MDM2: variants seen among roughly 807,000 people sequenced by gnomAD.
MDM2 encodes E3 ubiquitin-protein ligase Mdm2.
A neutral mutation model predicts 64.3 loss-of-function variants in MDM2; 11 were observed. The observed-to-expected ratio is 0.17, with a 90% CI of 0.11 to 0.28. The LOEUF is 0.28. MDM2 is among the 10% of genes least tolerant of loss of function. The pLI is 1.00. For missense variants in MDM2, 388 were observed against 577.1 expected, an observed-to-expected ratio of 0.67 and a Z score of 3.36; for synonymous variants, 194 against 192.9, an observed-to-expected ratio of 1.01 and a Z score of -0.05.
At chr12:68,829,048 A>G (rs1418281428) in intron 8 of MDM2, 117 bp downstream of exon 8, 11 of 1,040,032 alleles carry the variant, frequency 1.1e-5, no homozygotes, top group Non-Finnish European at 1.4e-6. Flanking sequence ...TAGAAAACAC[A>G]GTGCTAAATT....
chr12:68,839,157 A>C lies in MDM2; in HGVS notation c.919-117A>C, dbSNP rs966871631. 3.7e-5 allele frequency: 32 copies of C among 856,642 alleles called. No homozygotes were observed. In the Admixed American group the frequency reaches 8.0e-4, roughly 22 times the overall value. The allele number at this position is 856,642 out of a possible 1,614,324, so 53.1% of individuals were successfully genotyped here. ...GACTATTTTATATAAAACATGAAAC[A>C]CTGAATATTGAGCCCTATGATATAC... On this transcript the variant is annotated intron_variant, in intron 10 of 10. Transcript: ENST00000258149.
chr12:68,829,361 A>G (rs182722159), intron 8 of MDM2, among the ~76,000 whole-genome samples: 2 of 152,334 alleles, frequency 1.3e-5, no homozygotes, highest in East Asian at 1.9e-4. Context: ...TATTTAGAGT[A>G]AAAATATATT....
At chr12:68,833,547 TTTTTTATAGTA>T (rs1883075096) in intron 8 of MDM2, among the ~76,000 whole-genome samples, 1 of 150,754 alleles carries the variant, frequency 6.6e-6, no homozygotes, top group African/African-American at 2.4e-5. Context: ...TTTCATGGTA[TTTTTTATAGTA>T]TTTTTATAGT....
intron 1 of MDM2, 77 bp downstream of exon 1, chr12:68,808,568 C>T: frequency 6.3e-7 from 1 of 1,599,996 alleles, no homozygotes. Flanking sequence ...TTCCCAGCCT[C>T]TGCCCGTTCG....
intron 4 of MDM2, 63 bp from the exon 5 acceptor site, chr12:68,820,262 T>G (rs1881729439): frequency 7.9e-7 from 1 of 1,269,188 alleles, no homozygotes; most frequent in Admixed American, 2.0e-5. Context: ...TAGATCCAGC[T>G]TAATACAAAT....
At position 68,828,760 on chromosome 12, in the gene MDM2, T is replaced by C; in HGVS notation, c.524-11T>C. The C allele has an allele frequency of 6.2e-7, 1 of 1,613,500 alleles. No homozygotes were observed. Among genetic ancestry groups the C allele is most frequent in the Non-Finnish European group, 8.5e-7 (1 of 1,179,726 alleles). ...AGTACAGCAATTTATTTTTTTTCCTTACATATCCAGAAGAAAATTCAGATG... is the reference window on the plus strand; with the variant it reads ...AGTACAGCAATTTATTTTTTTTCCTCACATATCCAGAAGAAAATTCAGATG... On this transcript the variant is annotated splice_polypyrimidine_tract_variant and intron_variant, in intron 7 of 10. Coordinates refer to ENST00000258149, the MANE Select transcript of MDM2 (RefSeq NM_002392.6).
Position 68,839,548 on chromosome 12 carries a change from A to C in MDM2, c.1193A>C (p.Glu398Ala), listed in dbSNP as rs1883580397. 6.2e-7 allele frequency: 1 copy of C among 1,613,900 alleles called. No individual in the cohort carries two copies. Among genetic ancestry groups the C allele is most frequent in the South Asian group, 1.1e-5 (1 of 91,074 alleles). ...ITQASQSQESEDYSQPSTSSS... is the reference protein window; with the variant it reads ...ITQASQSQESADYSQPSTSSS... The stretch of plus-strand genomic sequence containing the variant: ...CAAGCTTCACAATCACAAGAAAGTG[A>C]AGACTATTCTCAGCCATCAACTTCT... The change falls in exon 11 of 11, where the codon GAA (glutamate) becomes GCA (alanine). Residue 398 changes from glutamate (E) to alanine (A), a missense_variant. Physicochemically the swap from Glu to Ala is moderately radical, Grantham distance 107 (BLOSUM62 -1). This residue lies in a region of MDM2 where 138 missense variants were observed against 143.7 expected (regional missense o/e 0.96). Coordinates refer to ENST00000258149, the MANE Select transcript of MDM2 (RefSeq NM_002392.6).
chr12:68,830,313 A>T (rs931125951), intron 8 of MDM2, among the ~76,000 whole-genome samples: 5 of 152,190 alleles, frequency 3.3e-5, no homozygotes, highest in African/African-American at 1.2e-4. Flanking sequence ...TTCCTGTATT[A>T]TCTTTTTTTC....
chr12:68,811,789 A>G (rs1238588607), intron 2 of MDM2, among the ~76,000 whole-genome samples: 1 of 152,046 alleles, frequency 6.6e-6, no homozygotes, highest in Non-Finnish European at 1.5e-5. Flanking sequence ...TTTAGTAGAG[A>G]TAGGGTTTCA....
intron 8 of MDM2, among the ~76,000 whole-genome samples, chr12:68,831,060 G>C (rs1462238858): frequency 1.3e-5 from 2 of 152,162 alleles, no homozygotes; most frequent in Non-Finnish European, 2.9e-5. Context: ...ATGATATTTA[G>C]AGTCCTTGTT....
At chr12:68,822,540 TATTTGTAGTAGTA>T in intron 5 of MDM2, among the ~76,000 whole-genome samples, 1 of 152,318 alleles carries the variant, frequency 6.6e-6, no homozygotes, top group East Asian at 1.9e-4. Flanking sequence ...ACAATTGTAG[TATTTGTAGTAGTA>T]GTTTGAGTTT....
At position 68,834,442 on chromosome 12, in the gene MDM2, C is replaced by CA. The variant is rs1238918782; in HGVS notation, c.685-1376dup. ...GGGTGACAGAGCAAGACTCTTGTCT[C>CA]AAAAAAAAAAAGGGCCGGGCATGGT... On this transcript the variant is annotated intron_variant, in intron 8 of 10. Coordinates refer to ENST00000258149, the MANE Select transcript of MDM2 (RefSeq NM_002392.6). 7.8e-3 allele frequency among the ~76,000 whole-genome samples: 997 copies of CA among 128,206 alleles called. 11 individuals are homozygous for CA. Among genetic ancestry groups the CA allele is most frequent in the African/African-American group, 0.025 (880 of 35,150 alleles). The allele number at this position is 128,206 out of a possible 152,430, so 84.1% of individuals were successfully genotyped here.
chr12:68,844,704 CG>C lies in MDM2; in HGVS notation c.*4859del. 1 of 219,988 alleles carries C rather than the reference CG, an allele frequency of 4.5e-6. No individual in the cohort carries two copies. Among genetic ancestry groups the C allele is most frequent in the Non-Finnish European group, 9.1e-6 (1 of 109,804 alleles). 13.6% of individuals were successfully genotyped at this position (219,988 alleles called of 1,614,324 possible). A position where few individuals can be genotyped will look rare whatever the true frequency, so the allele number is the denominator to read the frequency against. ...GGAGCTTGTGGGCCCCTAAGCCAGACGGGGACTAGCTTTTGGCATTATATAA... is the reference window on the plus strand; with the variant it reads ...GGAGCTTGTGGGCCCCTAAGCCAGACGGGACTAGCTTTTGGCATTATATAA... On this transcript the variant is annotated 3_prime_UTR_variant, in exon 11 of 11. Coordinates refer to ENST00000258149, the MANE Select transcript of MDM2 (RefSeq NM_002392.6).
chr12:68,817,000 C>T, intron 4 of MDM2, 55 bp downstream of exon 4: 1 of 1,558,498 alleles, frequency 6.4e-7, no homozygotes, highest in Non-Finnish European at 8.6e-7. Context: ...CATTTCAGTT[C>T]ACCTCTACCC....
At chr12:68,846,405 A>AG (rs1884301337), downstream of MDM2, 1 of 152,112 alleles carries the variant, frequency 6.6e-6, no homozygotes, top group Admixed American at 6.6e-5. Flanking sequence ...CACCTTTTAA[A>AG]TTTATTCCAT....
chr12:68,808,532 T>G (rs1880562997), intron 1 of MDM2, 41 bp downstream of exon 1: 8 of 1,613,442 alleles, frequency 5.0e-6, no homozygotes, highest in Non-Finnish European at 6.8e-6. Context: ...GGGTCTGGGC[T>G]CTGACGGTGT....
chr12:68,834,955 A>G (rs1281068544), intron 8 of MDM2, among the ~76,000 whole-genome samples: 1 of 152,182 alleles, frequency 6.6e-6, no homozygotes, highest in Non-Finnish European at 1.5e-5. Context: ...GAAGAATCAG[A>G]TGAGCAGCTA....
chr12:68,815,433 C>CT (rs58178593), intron 3 of MDM2, among the ~76,000 whole-genome samples: 5,361 of 92,974 alleles, frequency 0.058, 444 homozygotes, highest in African/African-American at 0.15. Flanking sequence ...GTTTCTTCTT[C>CT]TTTTTTTTTT....
At chr12:68,832,720 T>G (rs978754774) in intron 8 of MDM2, among the ~76,000 whole-genome samples, 2 of 151,520 alleles carry the variant, frequency 1.3e-5, no homozygotes, top group African/African-American at 4.8e-5. Context: ...GATCTTGGCC[T>G]GTTGCCCAGG....
Sources: gnomAD v4.1 joint callset for allele counts (sites outside exome capture counted in the v4.1 genomes callset) on GRCh38, gnomAD v4.1.1 for gene constraint, gnomAD v4.1.1 regional missense constraint, MANE v1.5 for transcripts, NCBI Gene and HGNC (gene_info 2026-07-23, HGNC 2026-07-21) for gene names.